The following ROBO2 variants were observed in gnomAD, a reference collection of about 807,000 sequenced individuals.
The protein encoded by ROBO2 is roundabout guidance receptor 2, also known as roundabout homolog 2.
A neutral mutation model predicts 160.8 loss-of-function variants in ROBO2; 53 were observed. The ratio of observed to expected loss-of-function variants is 0.33; its 90% CI spans 0.26 to 0.41. ROBO2 has a LOEUF of 0.41. Among genes scored for constraint, ROBO2 ranks in the 10% least tolerant of loss-of-function variants. The pLI, the probability that ROBO2 is intolerant of heterozygous loss-of-function variation, is 1.00. For missense variants in ROBO2, 1,577 were observed against 1,722.4 expected (o/e 0.92, Z 1.49); for synonymous variants, 664 against 611.7 (o/e 1.09, Z -1.26).
intron 2 of ROBO2, among the ~76,000 whole-genome samples, chr3:76,858,774 A>G (rs925870283): frequency 2.0e-5 from 3 of 152,226 alleles, no homozygotes; most frequent in Non-Finnish European, 4.4e-5. Flanking sequence ...AATGAATTGA[A>G]GCTGTCACCA....
intron 2 of ROBO2, among the ~76,000 whole-genome samples, chr3:76,296,192 C>G (rs1325770425): frequency 2.0e-5 from 3 of 152,148 alleles, no homozygotes; most frequent in Non-Finnish European, 4.4e-5. Flanking sequence ...TGGCCACAAG[C>G]CAAGGAAGCC....
At chr3:77,175,431 A>G (rs2080050827) in intron 2 of ROBO2, among the ~76,000 whole-genome samples, 2 of 152,058 alleles carry the variant, frequency 1.3e-5, no homozygotes, top group Admixed American at 6.6e-5. Context: ...AGGTCCTTAA[A>G]TTCTAGACTG....
intron 2 of ROBO2, among the ~76,000 whole-genome samples, chr3:77,215,724 G>A (rs764062073): frequency 3.1e-4 from 47 of 152,044 alleles, no homozygotes; most frequent in Non-Finnish European, 5.7e-4. Flanking sequence ...TCTACCATTG[G>A]TCTTTGATGA....
At chr3:76,822,424 T>G (rs1333314073) in intron 2 of ROBO2, among the ~76,000 whole-genome samples, 1 of 152,000 alleles carries the variant, frequency 6.6e-6, no homozygotes, top group Non-Finnish European at 1.5e-5. Context: ...ATGAAAGAAC[T>G]TATGAGTTTC....
intron 2 of ROBO2, among the ~76,000 whole-genome samples, chr3:76,070,683 T>A (rs960848921): frequency 1.3e-5 from 2 of 152,112 alleles, no homozygotes; most frequent in Non-Finnish European, 2.9e-5. Context: ...CTTGCTGGTT[T>A]TTGTGGCTTG....
chr3:76,802,708 A>G (rs527313918), intron 2 of ROBO2, among the ~76,000 whole-genome samples: 23 of 148,962 alleles, frequency 1.5e-4, no homozygotes, highest in African/African-American at 5.6e-4. Flanking sequence ...AGCCTGGGCG[A>G]CAGAGCGAGA....
intron 5 of ROBO2, among the ~76,000 whole-genome samples, chr3:77,519,283 G>T (rs548923997): frequency 2.9e-4 from 44 of 151,362 alleles, no homozygotes; most frequent in African/African-American, 1.0e-3. Flanking sequence ...CAGGAAGTCA[G>T]ATTTCAGACT....
chr3:77,004,508 G>A (rs144363921), intron 2 of ROBO2, among the ~76,000 whole-genome samples: 141 of 152,242 alleles, frequency 9.3e-4, no homozygotes, highest in African/African-American at 3.1e-3. Context: ...TCAGTCACTT[G>A]CCTGAAGCTA....
intron 2 of ROBO2, among the ~76,000 whole-genome samples, chr3:76,962,674 A>ACAC (rs1165628647): frequency 6.8e-6 from 1 of 147,154 alleles, no homozygotes; most frequent in Admixed American, 6.9e-5. Context: ...AGGCATGGTG[A>ACAC]CATGCACCTG....
intron 2 of ROBO2, among the ~76,000 whole-genome samples, chr3:77,409,531 T>C (rs1456634076): frequency 6.6e-6 from 1 of 152,160 alleles, no homozygotes; most frequent in African/African-American, 2.4e-5. Context: ...AGATTTTCTA[T>C]TGATCCCAGC....
chr3:77,176,062 C>T (rs1421016307), intron 2 of ROBO2, among the ~76,000 whole-genome samples: 1 of 151,774 alleles, frequency 6.6e-6, no homozygotes, highest in South Asian at 2.1e-4. Context: ...ATTAAATCAG[C>T]AAATAGCAGG....
At chr3:77,395,928 T>C (rs1160988126) in intron 2 of ROBO2, among the ~76,000 whole-genome samples, 20 of 152,064 alleles carry the variant, frequency 1.3e-4, no homozygotes. Context: ...CCCCCCTTTT[T>C]TTTTAACTTA....
Position 76,084,034 on chromosome 3 carries a change from A to G in ROBO2, c.109+146432A>G, listed in dbSNP as rs141331217. Among the ~76,000 whole-genome samples, 573 of 152,270 alleles carry G rather than the reference A, an allele frequency of 3.8e-3. 4 individuals are homozygous for G. Among genetic ancestry groups the G allele is most frequent in the African/African-American group, 0.013 (550 of 41,564 alleles). ...GACTGCTGGATATTGTGTTGGGGAAAAAAATCCATGCAGAACCAATGATAT... is the reference window on the plus strand; with the variant it reads ...GACTGCTGGATATTGTGTTGGGGAAGAAAATCCATGCAGAACCAATGATAT... On this transcript the variant is annotated intron_variant, in intron 2 of 26. Transcript: ENST00000487694.
At chr3:76,253,326 G>A (rs1445947589) in intron 2 of ROBO2, among the ~76,000 whole-genome samples, 6 of 151,930 alleles carry the variant, frequency 3.9e-5, no homozygotes, top group African/African-American at 1.4e-4. Flanking sequence ...ATGCTGGACT[G>A]CAGTGACATG....
At chr3:76,277,269 A>G (rs1398309761) in intron 2 of ROBO2, among the ~76,000 whole-genome samples, 1 of 152,064 alleles carries the variant, frequency 6.6e-6, no homozygotes, top group Non-Finnish European at 1.5e-5. Context: ...ACCCAGTAGC[A>G]TCATCAGAAT....
intron 2 of ROBO2, among the ~76,000 whole-genome samples, chr3:76,061,120 C>T (rs774089015): frequency 3.3e-5 from 5 of 152,174 alleles, no homozygotes; most frequent in Non-Finnish European, 7.3e-5. Flanking sequence ...AAATCAATGT[C>T]AAGGTGACTT....
chr3:76,277,149 C>A (rs541289742), intron 2 of ROBO2, among the ~76,000 whole-genome samples: 1 of 152,000 alleles, frequency 6.6e-6, no homozygotes, highest in African/African-American at 2.4e-5. Flanking sequence ...TATAGCCTAC[C>A]AATAAGCAAT....
At chr3:76,669,298 A>T (rs1431272149) in intron 2 of ROBO2, among the ~76,000 whole-genome samples, 1 of 152,186 alleles carries the variant, frequency 6.6e-6, no homozygotes, top group African/African-American at 2.4e-5. Context: ...ACGCAAATGC[A>T]TCTATGAAAT....
chr3:77,477,064 T>C (rs553998079), intron 2 of ROBO2, among the ~76,000 whole-genome samples: 26 of 151,446 alleles, frequency 1.7e-4, no homozygotes, highest in South Asian at 1.7e-3. Context: ...CACACACACA[T>C]ATATGAGTTT....
Sources: allele counts gnomAD v4.1 joint callset (sites outside exome capture counted in the v4.1 genomes callset), GRCh38; gene constraint gnomAD v4.1.1; transcripts MANE v1.5; gene names NCBI Gene and HGNC (gene_info 2026-07-23, HGNC 2026-07-21).